The following P2RX5 variants were observed in gnomAD, a reference collection of about 807,000 sequenced individuals.
The protein encoded by P2RX5 is P2X purinoceptor 5.
P2RX5 carries 46 observed loss-of-function variants against 54.1 expected under a neutral mutation model. The ratio of observed to expected loss-of-function variants is 0.85; its 90% CI spans 0.67 to 1.09. The LOEUF (loss-of-function observed/expected upper bound fraction) is 1.09, where lower values mean the gene tolerates loss of function less well. Among genes scored for constraint, P2RX5 ranks in the 50% least tolerant of loss-of-function variants. The pLI, the probability that P2RX5 is intolerant of heterozygous loss-of-function variation, is 0.00. For missense variants in P2RX5, 566 were observed against 549.8 expected (o/e 1.03, Z -0.29); for synonymous variants, 226 against 226.4 (o/e 1.00, Z 0.02).
chr17:3,679,389 C>T (rs547651290), intron 11 of P2RX5, among the ~76,000 whole-genome samples: 12 of 152,288 alleles, frequency 7.9e-5, no homozygotes, highest in Admixed American at 2.6e-4. Context: ...TCCAGGGTCT[C>T]GGGAGCTAAG....
the P2RX5 span, chr17:3,720,644 CG>C: frequency 2.6e-5 from 8 of 303,726 alleles, no homozygotes; most frequent in Non-Finnish European, 4.9e-5. Context: ...TGAAGTGGTG[CG>C]ATCTCGGCTC....
At chr17:3,719,235 C>T in the P2RX5 span, among the ~76,000 whole-genome samples, 1 of 66,246 alleles carries the variant, frequency 1.5e-5, no homozygotes, top group African/African-American at 5.8e-5. Flanking sequence ...GATTCTTCCT[C>T]AAAAAAAAAA....
intron 11 of P2RX5, among the ~76,000 whole-genome samples, chr17:3,679,066 G>A (rs1358271690): frequency 6.6e-6 from 1 of 152,170 alleles, no homozygotes; most frequent in Non-Finnish European, 1.5e-5. Context: ...GCTGAGGGGG[G>A]GTCATCTGAG....
chr17:3,689,027 C>T (rs1246068752), intron 7 of P2RX5, among the ~76,000 whole-genome samples: 1 of 152,242 alleles, frequency 6.6e-6, no homozygotes, highest in East Asian at 1.9e-4. Context: ...CACACTCCAG[C>T]CAGCATGTGC....
chr17:3,716,829 T>C, the P2RX5 span: 16 of 1,277,078 alleles, frequency 1.3e-5, no homozygotes, highest in South Asian at 4.9e-5. Context: ...GCCCAATAAA[T>C]CAGGTGAAGC....
Position 3,673,803 on chromosome 17 carries a change from G to T in P2RX5, c.*65C>A, listed in dbSNP as rs372783233. 210 of 1,612,052 alleles carry T rather than the reference G, an allele frequency of 1.3e-4. No individual in the cohort carries two copies. Among genetic ancestry groups the T allele is most frequent in the Non-Finnish European group, 1.6e-4 (189 of 1,179,824 alleles). On this transcript the variant is annotated 3_prime_UTR_variant, in exon 12 of 12. Coordinates refer to ENST00000225328, the MANE Select transcript of P2RX5 (RefSeq NM_002561.4). ...GGGCAGCATCCTGGGATTCCCAAAG[G>T]CATGGGATCACTGGGTGCTAGACGG...
At chr17:3,722,403 C>T in the P2RX5 span, 1 of 151,676 alleles carries the variant, frequency 6.6e-6, no homozygotes, top group African/African-American at 2.4e-5. Flanking sequence ...ATCACTTGAA[C>T]CCGGGAGGCG....
At chr17:3,679,863 A>G (rs2050190663) in intron 10 of P2RX5, 79 bp from the exon 11 acceptor site, 2 of 1,276,940 alleles carry the variant, frequency 1.6e-6, no homozygotes, top group Non-Finnish European at 2.2e-6. Flanking sequence ...TGGGCCTTGA[A>G]GAATCCCTCG....
intron 9 of P2RX5, chr17:3,685,514 C>T (rs554060470): frequency 6.4e-6 from 1 of 155,846 alleles, no homozygotes; most frequent in South Asian, 1.8e-4. Context: ...GAGGTACTCC[C>T]AGCACCCATG....
chr17:3,699,095 C>CACACACA (rs60173844), upstream of P2RX5, among the ~76,000 whole-genome samples: 5,388 of 100,032 alleles, frequency 0.054, 278 homozygotes, highest in East Asian at 0.17. Flanking sequence ...ACACACACAC[C>CACACACA]TATATATATA....
At chr17:3,688,162 C>A (rs2050502917) in intron 8 of P2RX5, 57 bp from the exon 9 acceptor site, 3 of 930,286 alleles carry the variant, frequency 3.2e-6, no homozygotes, top group African/African-American at 1.6e-5. Context: ...CCTCTTTAGG[C>A]AGCACTGATG....
rs1263927211 is a variant in P2RX5, at chr17:3,682,330, T to C, written c.982-352A>G. ...GAGGATCTGGACAAGAGAGACCTCC[T>C]GGGGACTCTCCCTCTGGTGCAGGAG... On this transcript the variant is annotated intron_variant, in intron 9 of 11. Transcript: ENST00000225328. 2.4e-5 allele frequency: 9 copies of C among 372,912 alleles called. No individual in the cohort carries two copies. In the Admixed American group the frequency reaches 2.6e-4, roughly 11 times the overall value. The allele number at this position is 372,912 out of a possible 1,614,324, so 23.1% of individuals were successfully genotyped here.
At chr17:3,719,235 C>CAAAAAA in the P2RX5 span, among the ~76,000 whole-genome samples, 29 of 66,118 alleles carry the variant, frequency 4.4e-4, no homozygotes, top group African/African-American at 1.1e-3. Context: ...GATTCTTCCT[C>CAAAAAA]AAAAAAAAAA....
chr17:3,721,089 G>C, the P2RX5 span, among the ~76,000 whole-genome samples: 2 of 148,494 alleles, frequency 1.3e-5, no homozygotes, highest in African/African-American at 5.0e-5. Context: ...CCACCACACT[G>C]GGCTAATTTT....
At chr17:3,719,003 G>A in the P2RX5 span, among the ~76,000 whole-genome samples, 5 of 152,026 alleles carry the variant, frequency 3.3e-5, no homozygotes, top group East Asian at 5.8e-4. Context: ...AGGTCAAGGC[G>A]GGCAGATCAC....
chr17:3,712,889 G>A, the P2RX5 span, among the ~76,000 whole-genome samples: 6 of 152,294 alleles, frequency 3.9e-5, no homozygotes, highest in African/African-American at 1.4e-4. Context: ...GTTGCAGTGA[G>A]CAGAGATCAC....
chr17:3,688,097 C>G lies in P2RX5; in HGVS notation c.896G>C (p.Arg299Thr), dbSNP rs750470533. The change falls in exon 9 of 12, where the codon AGA becomes ACA. Residue 299 changes from arginine (R) to threonine (T), a missense_variant. Physicochemically the swap from Arg to Thr is moderately conservative, Grantham distance 71 (BLOSUM62 -1). Transcript: ENST00000225328. ...CACCCCGGCTGCGTCTCGGTAATAT[C>G]TGGCAAATCTGAGGGAGACAGGGCC... ...VSSGYNFRFA[R>T]YYRDAAGVEF... The G allele has an allele frequency of 2.3e-5, 37 of 1,594,404 alleles. No homozygotes were observed. The South Asian group carries it at 3.8e-4, about 16-fold the overall frequency.
At chr17:3,678,795 C>T (rs2050160597) in intron 11 of P2RX5, among the ~76,000 whole-genome samples, 1 of 152,186 alleles carries the variant, frequency 6.6e-6, no homozygotes. Context: ...AGGTGTCCAG[C>T]CCCCACTGGG....
chr17:3,678,734 A>T (rs1301970720), intron 11 of P2RX5, among the ~76,000 whole-genome samples: 2 of 152,218 alleles, frequency 1.3e-5, no homozygotes, highest in Non-Finnish European at 2.9e-5. Flanking sequence ...GTCAGTGAGT[A>T]CCTGGGGTGT....
Sources: gnomAD v4.1 joint callset for allele counts (sites outside exome capture counted in the v4.1 genomes callset) on GRCh38, gnomAD v4.1.1 for gene constraint, MANE v1.5 for transcripts, NCBI Gene and HGNC (gene_info 2026-07-23, HGNC 2026-07-21) for gene names.